The following NSL1 variants were observed in gnomAD, a reference collection of about 807,000 sequenced individuals.
NSL1 encodes kinetochore-associated protein NSL1 homolog.
A neutral mutation model predicts 25.4 loss-of-function variants in NSL1; 11 were observed. The ratio of observed to expected loss-of-function variants is 0.43; its 90% confidence interval spans 0.27 to 0.72. NSL1 has a LOEUF of 0.72. Among genes scored for constraint, NSL1 ranks in the 30% least tolerant of loss-of-function variants. NSL1 has a pLI of 0.19. For missense variants in NSL1, 330 were observed against 342.7 expected, an observed-to-expected ratio of 0.96 and a Z score of 0.29; for synonymous variants, 118 against 120.6, an observed-to-expected ratio of 0.98 and a Z score of 0.14.
At chr1:212,743,528 A>AT (rs1658606208) in intron 4 of NSL1, among the ~76,000 whole-genome samples, 1 of 151,228 alleles carries the variant, frequency 6.6e-6, no homozygotes, top group Admixed American at 6.6e-5. Flanking sequence ...GGTTCCATGT[A>AT]TACTCCAAAT....
At chr1:212,758,793 AT>A (rs1394389402) in intron 4 of NSL1, among the ~76,000 whole-genome samples, 1 of 152,220 alleles carries the variant, frequency 6.6e-6, no homozygotes, top group East Asian at 1.9e-4. Flanking sequence ...CAAAATTCAT[AT>A]GGAATTTGAA....
chr1:212,777,629 A>G (rs958033699), intron 4 of NSL1, among the ~76,000 whole-genome samples: 10 of 152,236 alleles, frequency 6.6e-5, no homozygotes, highest in Admixed American at 6.5e-5. Context: ...AATTAAGTAT[A>G]AAAACATGAA....
Position 212,737,664 on chromosome 1 carries a change from A to G in NSL1, c.*744T>C. On this transcript the variant is annotated 3_prime_UTR_variant, in exon 6 of 6. Coordinates refer to ENST00000366977, the MANE Select transcript of NSL1 (RefSeq NM_015471.4). ...TATTTTGAACTGGAATGATTTGTAAAGAAATAAATAAGAAACCCTAAAAAG... is the reference window on the plus strand; with the variant it reads ...TATTTTGAACTGGAATGATTTGTAAGGAAATAAATAAGAAACCCTAAAAAG... The G allele has an allele frequency of 2.1e-6, 2 of 956,304 alleles. No homozygotes were observed. The highest frequency in any genetic ancestry group is 2.5e-6 in the Non-Finnish European group (2 of 803,400). The allele number at this position is 956,304 out of a possible 1,614,324, so 59.2% of individuals were successfully genotyped here.
chr1:212,779,331 TG>T (rs1298376381), intron 4 of NSL1, among the ~76,000 whole-genome samples: 1 of 88,598 alleles, frequency 1.1e-5, no homozygotes, highest in African/African-American at 4.5e-5. Flanking sequence ...GGGAGGGAGG[TG>T]GGGGGGTCAG....
chr1:212,779,573 C>T (rs1373531127), intron 4 of NSL1, among the ~76,000 whole-genome samples: 1 of 114,784 alleles, frequency 8.7e-6, no homozygotes, highest in Non-Finnish European at 1.9e-5. Flanking sequence ...GTCAGCCCCC[C>T]ACCCGGCCAG....
intron 4 of NSL1, among the ~76,000 whole-genome samples, chr1:212,750,033 C>G (rs1658991933): frequency 6.6e-6 from 1 of 151,256 alleles, no homozygotes; most frequent in Non-Finnish European, 1.5e-5. Context: ...GAGGGCAGTA[C>G]TAACCCCAGT....
chr1:212,773,781 T>C (rs918348334), intron 4 of NSL1, among the ~76,000 whole-genome samples: 6 of 152,160 alleles, frequency 3.9e-5, no homozygotes, highest in African/African-American at 1.4e-4. Context: ...AGATACGGAA[T>C]CAACCTAAGT....
At chr1:212,766,146 A>AC in intron 4 of NSL1, 1 of 516,934 alleles carries the variant, frequency 1.9e-6, no homozygotes, top group Non-Finnish European at 3.5e-6. Context: ...AAAAAAAAAA[A>AC]AACAAAAAAA....
rs188207510 is a variant in NSL1 at position 212,727,194 on chromosome 1, G to A, written c.*11214C>T. On this transcript the variant is annotated 3_prime_UTR_variant, in exon 6 of 6. Coordinates refer to ENST00000366977, the MANE Select transcript of NSL1 (RefSeq NM_015471.4). ...AGGCTTGGCTCCTAATGTGTTAAATGGGGGTGAATGGAATTTAGAAGATCT... is the reference window on the plus strand; with the variant it reads ...AGGCTTGGCTCCTAATGTGTTAAATAGGGGTGAATGGAATTTAGAAGATCT... 7 of 1,533,094 alleles carry A rather than the reference G, an allele frequency of 4.6e-6. No individual in the cohort carries two copies. Among genetic ancestry groups the A allele is most frequent in the Non-Finnish European group, 6.1e-6 (7 of 1,139,400 alleles). The allele number at this position is 1,533,094 out of a possible 1,614,324, so 95.0% of individuals were successfully genotyped here.
chr1:212,785,714 A>G (rs1231334716), intron 2 of NSL1, among the ~76,000 whole-genome samples: 1 of 152,206 alleles, frequency 6.6e-6, no homozygotes, highest in Non-Finnish European at 1.5e-5. Flanking sequence ...CATTTTAAAG[A>G]GTAAAAATAC....
intron 4 of NSL1, among the ~76,000 whole-genome samples, chr1:212,772,564 C>T (rs1262297772): frequency 6.6e-6 from 1 of 152,014 alleles, no homozygotes; most frequent in African/African-American, 2.4e-5. Flanking sequence ...GTAATCCCAG[C>T]TACTTGGGAG....
chr1:212,729,789 A>G lies in NSL1; in HGVS notation c.*8619T>C. 1 of 985,412 alleles carries G rather than the reference A, an allele frequency of 1.0e-6. No individual in the cohort carries two copies. Among genetic ancestry groups the G allele is most frequent in the South Asian group, 4.7e-5 (1 of 21,286 alleles). 61.0% of individuals were successfully genotyped at this position (985,412 alleles called of 1,614,324 possible). Reference sequence around the variant, plus strand: ...GCTCGGCTATAAAACGGCTCAAAAGAACAGCTAGAACATGGAAAAAGCAAT... The same window carrying G: ...GCTCGGCTATAAAACGGCTCAAAAGGACAGCTAGAACATGGAAAAAGCAAT... On this transcript the variant is annotated 3_prime_UTR_variant, in exon 6 of 6. Coordinates refer to ENST00000366977, the MANE Select transcript of NSL1 (RefSeq NM_015471.4).
At chr1:212,752,677 A>G (rs144731788) in intron 4 of NSL1, among the ~76,000 whole-genome samples, 1 of 152,214 alleles carries the variant, frequency 6.6e-6, no homozygotes, top group African/African-American at 2.4e-5. Context: ...TGCTATAAGG[A>G]TATTTTTAAA....
chr1:212,782,002 C>T (rs1340031535), intron 4 of NSL1: 2 of 523,008 alleles, frequency 3.8e-6, no homozygotes, highest in East Asian at 5.1e-5. Flanking sequence ...ATGGTTACTG[C>T]ACCAGGTGTG....
intron 4 of NSL1, among the ~76,000 whole-genome samples, chr1:212,763,504 T>TA (rs1005098622): frequency 2.2e-4 from 33 of 152,024 alleles, no homozygotes; most frequent in Non-Finnish European, 3.4e-4. Context: ...ACAGAATGGA[T>TA]AAAAAACCAC....
At chr1:212,757,108 T>C (rs1392002671) in intron 4 of NSL1, among the ~76,000 whole-genome samples, 1 of 152,180 alleles carries the variant, frequency 6.6e-6, no homozygotes, top group Non-Finnish European at 1.5e-5. Context: ...CAGTTTCAAA[T>C]ACAGGGAGTT....
chr1:212,744,336 C>A (rs7550288), intron 4 of NSL1, among the ~76,000 whole-genome samples: 34 of 152,048 alleles, frequency 2.2e-4, no homozygotes, highest in African/African-American at 7.0e-4. Flanking sequence ...TCCAAAAAAG[C>A]TTTAGAAAAG....
At chr1:212,764,138 A>C in intron 4 of NSL1, 1 of 243,684 alleles carries the variant, frequency 4.1e-6, no homozygotes, top group Non-Finnish European at 8.4e-6. Context: ...TCTCAAAATT[A>C]TACAAATACA....
At chr1:212,756,532 G>C (rs1320024935) in intron 4 of NSL1, among the ~76,000 whole-genome samples, 1 of 152,150 alleles carries the variant, frequency 6.6e-6, no homozygotes, top group Non-Finnish European at 1.5e-5. Context: ...AATCTTAAGA[G>C]TCAGGGGCTG....
Sources: allele counts gnomAD v4.1 joint callset (sites outside exome capture counted in the v4.1 genomes callset), GRCh38; gene constraint gnomAD v4.1.1; transcripts MANE v1.5; gene names NCBI Gene and HGNC (gene_info 2026-07-23, HGNC 2026-07-21).